TAF4B: variants seen among roughly 807,000 people sequenced by gnomAD.
TAF4B encodes the protein TATA-box binding protein associated factor 4b.
Under a neutral mutation model 86.4 loss-of-function variants are expected in TAF4B, and 38 were observed. That is an observed-to-expected ratio of 0.44 (90% confidence interval 0.34 to 0.58). The LOEUF (loss-of-function observed/expected upper bound fraction) is 0.58. Ranked by LOEUF, TAF4B falls within the 20% of genes least tolerant of loss-of-function variation. The pLI is 0.02. For missense variants in TAF4B, 988 were observed against 1,027.6 expected, an observed-to-expected ratio of 0.96 and a Z score of 0.53; for synonymous variants, 388 against 391.2, an observed-to-expected ratio of 0.99 and a Z score of 0.10.
intron 13 of TAF4B, among the ~76,000 whole-genome samples, chr18:26,349,951 T>A (rs979688867): frequency 9.9e-5 from 15 of 152,128 alleles, no homozygotes; most frequent in African/African-American, 2.7e-4. Context: ...GCCAGGAACA[T>A]ATACCAGGGA....
chr18:26,235,964 A>C (rs1007283833), intron 1 of TAF4B, among the ~76,000 whole-genome samples: 1 of 152,302 alleles, frequency 6.6e-6, no homozygotes, highest in South Asian at 2.1e-4. Context: ...ATGTCTAACA[A>C]TATCCTGTAA....
rs1978616146 is a variant in TAF4B at position 26,390,076 on chromosome 18, C to T, written c.*64C>T. ...CCAAAGAAGACACAAAGCATTGTTG[C>T]ACTGTCCTGAAATTTCAATTTCTGG... On this transcript the variant is annotated 3_prime_UTR_variant, in exon 15 of 15. Transcript: ENST00000269142. 1 of 1,504,284 alleles carries T rather than the reference C, an allele frequency of 6.6e-7. No individual in the cohort carries two copies. The highest frequency in any genetic ancestry group is 2.0e-5 in the Admixed American group (1 of 49,118). 93.2% of individuals were successfully genotyped at this position (1,504,284 alleles called of 1,614,324 possible).
intron 13 of TAF4B, among the ~76,000 whole-genome samples, chr18:26,356,126 A>G (rs1243635062): frequency 6.6e-6 from 1 of 152,190 alleles, no homozygotes; most frequent in Non-Finnish European, 1.5e-5. Context: ...GTCCAAGATC[A>G]AGGTGCCAGC....
At chr18:26,324,434 A>G (rs536440462) in intron 11 of TAF4B, among the ~76,000 whole-genome samples, 5 of 152,238 alleles carry the variant, frequency 3.3e-5, no homozygotes, top group Non-Finnish European at 5.9e-5. Context: ...CTTGATTTAT[A>G]GTAGGCAGTT....
chr18:26,239,468 C>T (rs1042636443), intron 1 of TAF4B, among the ~76,000 whole-genome samples: 53 of 152,112 alleles, frequency 3.5e-4, no homozygotes, highest in African/African-American at 1.2e-3. Flanking sequence ...TTTGAGTTCT[C>T]TGTAGATTCT....
chr18:26,248,937 G>A (rs2144492319), intron 1 of TAF4B, among the ~76,000 whole-genome samples: 1 of 151,868 alleles, frequency 6.6e-6, no homozygotes, highest in Middle Eastern at 3.4e-3. Flanking sequence ...ACTTTGGGAG[G>A]CTGAGGTGGG....
At chr18:26,229,499 T>C (rs990116839) in intron 1 of TAF4B, among the ~76,000 whole-genome samples, 42 of 146,922 alleles carry the variant, frequency 2.9e-4, no homozygotes, top group South Asian at 2.7e-3. Context: ...TCTTTCTTTT[T>C]TTTTTTTTTT....
At chr18:26,289,709 G>A (rs1009669270) in intron 7 of TAF4B, among the ~76,000 whole-genome samples, 1 of 152,190 alleles carries the variant, frequency 6.6e-6, no homozygotes, top group African/African-American at 2.4e-5. Flanking sequence ...GGCTAGTCTT[G>A]AACGCCTGAG....
chr18:26,240,873 A>G (rs1036769641), intron 1 of TAF4B, among the ~76,000 whole-genome samples: 11 of 152,144 alleles, frequency 7.2e-5, no homozygotes, highest in African/African-American at 2.7e-4. Context: ...TTCTGTTTAT[A>G]TACTGGATTA....
intron 13 of TAF4B, among the ~76,000 whole-genome samples, chr18:26,352,009 G>T (rs1791746): frequency 0.35 from 53,483 of 151,812 alleles, 11,486 homozygotes; most frequent in East Asian, 0.81. Flanking sequence ...CCCTAGAGCC[G>T]TCACTAAAAA....
In TAF4B at chr18:26,242,620, T is replaced by C. The variant is rs1437321018; in HGVS notation, c.343+15344T>C. On this transcript the variant is annotated intron_variant, in intron 1 of 14. Transcript: ENST00000269142. The stretch of plus-strand genomic sequence containing the variant: ...ATATTGTTATGTGTGAATTTGATCC[T>C]GTCATTATGATGTAAGCTGGTTATT... 8.5e-5 allele frequency among the ~76,000 whole-genome samples: 13 copies of C among 152,348 alleles called. No individual in the cohort carries two copies. In the East Asian group the frequency reaches 2.5e-3, roughly 29 times the overall value.
chr18:26,261,172 ATTTTTTTTTTTTTTT>A (rs71169839), intron 1 of TAF4B, among the ~76,000 whole-genome samples: 1 of 77,104 alleles, frequency 1.3e-5, no homozygotes, highest in African/African-American at 5.0e-5. Flanking sequence ...GAGCACTGTC[ATTTTTTTTTTTTTTT>A]TTTTTTTTTT....
At chr18:26,236,322 G>T (rs1450961406) in intron 1 of TAF4B, among the ~76,000 whole-genome samples, 4 of 152,156 alleles carry the variant, frequency 2.6e-5, no homozygotes, top group African/African-American at 9.7e-5. Flanking sequence ...TGGACCTTGA[G>T]GACGGCTGTC....
At position 26,321,122 on chromosome 18, in the gene TAF4B, C is replaced by A. The variant is rs1443098205; in HGVS notation, c.2055C>A (p.Ser685=). The A allele has an allele frequency of 1.2e-6, 2 of 1,613,782 alleles. No homozygotes were observed. The highest frequency in any genetic ancestry group is 8.5e-7 in the Non-Finnish European group (1 of 1,179,810). ...ACTCTGATGCTGTGAACTTGATCTCCCAAGCAACACAGGAACGACTACGAG... is the reference window on the plus strand; with the variant it reads ...ACTCTGATGCTGTGAACTTGATCTCACAAGCAACACAGGAACGACTACGAG... ...ELNSDAVNLI[S]QATQERLRGL... The change falls in exon 11 of 15, where the codon TCC becomes TCA. Residue 685 remains serine, a synonymous_variant. Coordinates refer to ENST00000269142, the MANE Select transcript of TAF4B (RefSeq NM_005640.3).
chr18:26,382,095 C>A (rs958429966), intron 14 of TAF4B, among the ~76,000 whole-genome samples: 3 of 152,124 alleles, frequency 2.0e-5, no homozygotes, highest in Admixed American at 1.3e-4. Context: ...AGTTTTGAGG[C>A]ACAGCAACCC....
At chr18:26,359,078 A>G (rs903975253) in intron 14 of TAF4B, among the ~76,000 whole-genome samples, 4 of 152,168 alleles carry the variant, frequency 2.6e-5, no homozygotes, top group African/African-American at 9.7e-5. Flanking sequence ...CATATATGAC[A>G]TGCATTCACA....
At chr18:26,354,710 T>C (rs1401235566) in intron 13 of TAF4B, among the ~76,000 whole-genome samples, 1 of 152,226 alleles carries the variant, frequency 6.6e-6, no homozygotes, top group Non-Finnish European at 1.5e-5. Context: ...CAATTGGCCG[T>C]ATTTATATGC....
At chr18:26,310,454 A>AT (rs1187206683) in intron 9 of TAF4B, among the ~76,000 whole-genome samples, 1 of 152,206 alleles carries the variant, frequency 6.6e-6, no homozygotes, top group Non-Finnish European at 1.5e-5. Context: ...GGAAATTCCC[A>AT]TGAGAAAAAC....
chr18:26,300,833 T>C (rs1414089654), intron 9 of TAF4B, among the ~76,000 whole-genome samples: 1 of 151,792 alleles, frequency 6.6e-6, no homozygotes, highest in Non-Finnish European at 1.5e-5. Context: ...TTACGTAGAG[T>C]GGGTATTAAA....
Sources: allele counts gnomAD v4.1 joint callset (sites outside exome capture counted in the v4.1 genomes callset), GRCh38; gene constraint gnomAD v4.1.1; transcripts MANE v1.5; gene names NCBI Gene and HGNC (gene_info 2026-07-23, HGNC 2026-07-21).